GRIK2: variants seen among roughly 807,000 people sequenced by gnomAD.
The protein encoded by GRIK2 is glutamate ionotropic receptor kainate type subunit 2, also known as glutamate receptor ionotropic, kainate 2.
In GRIK2, 32 loss-of-function variants were observed where a neutral mutation model predicts 100.3. The ratio of observed to expected loss-of-function variants is 0.32; its 90% CI spans 0.24 to 0.43. GRIK2 has a LOEUF of 0.43. Among genes scored for constraint, GRIK2 ranks in the 20% least tolerant of loss-of-function variants. The pLI, the probability that GRIK2 is intolerant of heterozygous loss-of-function variation, is 1.00. For missense variants in GRIK2, 843 were observed against 1,114.9 expected, an observed-to-expected ratio of 0.76 and a Z score of 3.47; for synonymous variants, 417 against 389.4, an observed-to-expected ratio of 1.07 and a Z score of -0.83.
At chr6:101,446,878 T>A (rs547113801) in intron 2 of GRIK2, among the ~76,000 whole-genome samples, 2 of 150,474 alleles carry the variant, frequency 1.3e-5, no homozygotes, top group African/African-American at 4.8e-5. Flanking sequence ...CACCGTTTCT[T>A]TTTGCTTTGA....
chr6:101,752,318 A>G (rs576884871), intron 7 of GRIK2, among the ~76,000 whole-genome samples: 118 of 152,252 alleles, frequency 7.8e-4, no homozygotes, highest in Non-Finnish European at 1.2e-3. Flanking sequence ...TTTGTTGAGT[A>G]TTAACACGAT....
chr6:101,547,446 T>G (rs1468530726), intron 2 of GRIK2, among the ~76,000 whole-genome samples: 1 of 152,162 alleles, frequency 6.6e-6, no homozygotes, highest in Non-Finnish European at 1.5e-5. Flanking sequence ...ATTAGATATA[T>G]CTCCTAATGC....
At chr6:101,860,836 GA>G in intron 11 of GRIK2, 1 of 312,440 alleles carries the variant, frequency 3.2e-6, no homozygotes, top group Non-Finnish European at 4.7e-6. Context: ...CCTGGGCAGG[GA>G]AAAGGTCCAT....
At position 101,889,597 on chromosome 6, in the gene GRIK2, C is replaced by G. The variant is rs1379749622; in HGVS notation, c.1525-43C>G. On this transcript the variant is annotated intron_variant, in intron 11 of 16. Transcript: ENST00000369134. ...CTGAAAATCAATTTTTTCTCTCTTT[C>G]TTTCTTTCTTTTTTTTTTTTTTTTG... is the stretch of plus-strand genomic sequence containing the variant. 2.9e-6 allele frequency: 3 copies of G among 1,034,910 alleles called. No homozygotes were observed. In the African/African-American group the frequency reaches 5.1e-5, roughly 17 times the overall value. 64.1% of individuals were successfully genotyped at this position (1,034,910 alleles called of 1,614,324 possible).
At position 101,808,171 on chromosome 6, in the gene GRIK2, C is replaced by T. The variant is rs374756789; in HGVS notation, c.1203+5733C>T. Among the ~76,000 whole-genome samples, 11 of 152,002 alleles carry T rather than the reference C, an allele frequency of 7.2e-5. No individual in the cohort carries two copies. The East Asian group carries it at 1.9e-3, about 27-fold the overall frequency. The stretch of plus-strand genomic sequence containing the variant: ...TGGCATAAGATGTTACAGAAATATT[C>T]AGGAAGATCTTAGACTGTAACTTCA... On this transcript the variant is annotated intron_variant, in intron 9 of 16. Transcript: ENST00000369134.
At chr6:102,018,039 T>C (rs1027665084) in intron 14 of GRIK2, among the ~76,000 whole-genome samples, 1 of 152,192 alleles carries the variant, frequency 6.6e-6, no homozygotes, top group Non-Finnish European at 1.5e-5. Context: ...TGACAATTGT[T>C]CAGTCTCTTC....
intron 11 of GRIK2, among the ~76,000 whole-genome samples, chr6:101,871,437 T>C (rs998183254): frequency 8.5e-5 from 13 of 152,062 alleles, no homozygotes; most frequent in African/African-American, 2.9e-4. Flanking sequence ...TAGATGGCTA[T>C]GTTGTGTGAT....
At chr6:101,692,661 A>G (rs1582970821) in intron 7 of GRIK2, among the ~76,000 whole-genome samples, 1 of 152,168 alleles carries the variant, frequency 6.6e-6, no homozygotes, top group African/African-American at 2.4e-5. Flanking sequence ...GTAATCATTT[A>G]TGATAGCAAG....
At chr6:102,003,286 A>T (rs1795043918) in intron 14 of GRIK2, among the ~76,000 whole-genome samples, 1 of 151,650 alleles carries the variant, frequency 6.6e-6, no homozygotes, top group Admixed American at 6.6e-5. Context: ...ACATATACAT[A>T]TATGTGTGAA....
intron 14 of GRIK2, chr6:101,993,899 C>T (rs1304085508): frequency 1.4e-5 from 2 of 145,676 alleles, no homozygotes; most frequent in African/African-American, 2.6e-5. Context: ...ATATATTATA[C>T]ACACATATAT....
chr6:101,808,275 A>C (rs1475839603), intron 9 of GRIK2, among the ~76,000 whole-genome samples: 2 of 152,088 alleles, frequency 1.3e-5, no homozygotes, highest in African/African-American at 4.8e-5. Flanking sequence ...GACATTATAT[A>C]AAATAGTGCA....
At chr6:102,058,574 T>G (rs1771588132) in intron 16 of GRIK2, among the ~76,000 whole-genome samples, 2 of 151,580 alleles carry the variant, frequency 1.3e-5, no homozygotes, top group African/African-American at 4.8e-5. Flanking sequence ...TAAGAAAATT[T>G]AGGTTGGTCT....
chr6:101,536,451 TAAGGGGTAGGACCACAC>T (rs902794307), intron 2 of GRIK2, among the ~76,000 whole-genome samples: 5 of 151,646 alleles, frequency 3.3e-5, no homozygotes, highest in Admixed American at 2.0e-4. Flanking sequence ...AGTTGGGGTA[TAAGGGGTAGGACCACAC>T]AAAAAGCAAA....
intron 2 of GRIK2, among the ~76,000 whole-genome samples, chr6:101,520,362 C>T (rs1218311749): frequency 2.7e-5 from 4 of 149,694 alleles, no homozygotes; most frequent in African/African-American, 9.8e-5. Flanking sequence ...TTATATATTA[C>T]AATATATATT....
intron 10 of GRIK2, among the ~76,000 whole-genome samples, chr6:101,853,553 T>C (rs528303327): frequency 6.6e-6 from 1 of 152,278 alleles, no homozygotes; most frequent in East Asian, 1.9e-4. Context: ...CTAAGCATAC[T>C]CTTACCATAT....
At chr6:101,409,131 TG>T in intron 2 of GRIK2, among the ~76,000 whole-genome samples, 1 of 151,522 alleles carries the variant, frequency 6.6e-6, no homozygotes, top group East Asian at 1.9e-4. Flanking sequence ...TGTGTGTGTG[TG>T]TGTGTGTGTG....
chr6:101,440,423 T>C (rs1769981572), intron 2 of GRIK2, among the ~76,000 whole-genome samples: 2 of 152,210 alleles, frequency 1.3e-5, no homozygotes, highest in Admixed American at 6.6e-5. Context: ...TGAATCTTTA[T>C]TTCCTTACCC....
intron 14 of GRIK2, among the ~76,000 whole-genome samples, chr6:101,940,319 G>T (rs1790880205): frequency 6.6e-6 from 1 of 152,004 alleles, no homozygotes; most frequent in African/African-American, 2.4e-5. Context: ...TTCCCTGGGG[G>T]CCTAACAATT....
At chr6:101,402,395 C>T (rs768112166) in intron 2 of GRIK2, among the ~76,000 whole-genome samples, 2 of 152,172 alleles carry the variant, frequency 1.3e-5, no homozygotes, top group Non-Finnish European at 2.9e-5. Flanking sequence ...CGTCTCTGTC[C>T]TGTTTCCCCC....
Sources: allele counts gnomAD v4.1 joint callset (sites outside exome capture counted in the v4.1 genomes callset), GRCh38; gene constraint gnomAD v4.1.1; transcripts MANE v1.5; gene names NCBI Gene and HGNC (gene_info 2026-07-23, HGNC 2026-07-21).